The following CAV1 variants were observed in gnomAD, a reference collection of about 807,000 sequenced individuals.
The protein encoded by CAV1 is caveolin 1, also known as caveolin-1.
In CAV1, 10 loss-of-function variants were observed where a neutral mutation model predicts 16.5. The ratio of observed to expected loss-of-function variants is 0.61; its 90% CI spans 0.37 to 1.03. CAV1 has a LOEUF of 1.03. CAV1 is among the 50% of genes least tolerant of loss of function. The probability of loss-of-function intolerance (pLI) is 0.01; values close to 1 mark genes in which losing one functional copy is unlikely to be tolerated. For synonymous variants in CAV1, 76 were observed against 85.1 expected, an observed-to-expected ratio of 0.89 and a Z score of 0.59; for missense variants, 212 against 232.8, an observed-to-expected ratio of 0.91 and a Z score of 0.58.
At chr7:116,536,682 G>T (rs549078972) in intron 2 of CAV1, among the ~76,000 whole-genome samples, 1 of 152,150 alleles carries the variant, frequency 6.6e-6, no homozygotes, top group Non-Finnish European at 1.5e-5. Context: ...AGGCCACAGC[G>T]ACCCACAGAG....
At chr7:116,540,416 T>TC (rs1197317052) in intron 2 of CAV1, among the ~76,000 whole-genome samples, 1 of 152,138 alleles carries the variant, frequency 6.6e-6, no homozygotes, top group Non-Finnish European at 1.5e-5. Context: ...TCAATTTGAC[T>TC]CCAAATAGCT....
chr7:116,526,530 T>C lies in CAV1; in HGVS notation c.36T>C (p.His12=). The C allele has an allele frequency of 6.2e-7, 1 of 1,613,842 alleles. No individual in the cohort carries two copies. The highest frequency in any genetic ancestry group is 8.5e-7 in the Non-Finnish European group (1 of 1,179,968). Residue 12 remains histidine, a synonymous_variant, in exon 2 of 3, where the codon CAT becomes CAC. Coordinates refer to ENST00000341049, the MANE Select transcript of CAV1 (RefSeq NM_001753.5). ...CCGCCCTCCGCCCTCTGCAGGGACA[T>C]CTCTACACCGTTCCCATCCGGGAAC... The part of the protein sequence containing the change: ...SGGKYVDSEG[H]LYTVPIREQG...
intron 2 of CAV1, among the ~76,000 whole-genome samples, chr7:116,535,659 G>A (rs1294608260): frequency 6.6e-6 from 1 of 152,186 alleles, no homozygotes. Flanking sequence ...AAGGGAATTA[G>A]TTGGTAGAAC....
chr7:116,561,078 T>C lies in CAV1; in HGVS notation c.*1791T>C, dbSNP rs1794400823. ...GCAAATCAATTACTGGTCCAAAAGA[T>C]TGCTGAAATTTTATATGCTTACTGA... On this transcript the variant is annotated 3_prime_UTR_variant, in exon 3 of 3. Coordinates refer to ENST00000341049, the MANE Select transcript of CAV1 (RefSeq NM_001753.5). The C allele has an allele frequency of 6.6e-6, 1 of 152,660 alleles. No individual in the cohort carries two copies. Among genetic ancestry groups the C allele is most frequent in the Admixed American group, 6.5e-5 (1 of 15,280 alleles). 9.5% of individuals were successfully genotyped at this position (152,660 alleles called of 1,614,324 possible). A position where few individuals can be genotyped will look rare whatever the true frequency, so the allele number is the denominator to read the frequency against.
In CAV1 at chr7:116,559,945, C is replaced by A. The variant is rs979516188; in HGVS notation, c.*658C>A. The A allele has an allele frequency of 2.0e-5, 8 of 398,010 alleles. No individual in the cohort carries two copies. Among genetic ancestry groups the A allele is most frequent in the Admixed American group, 4.4e-5 (1 of 22,710 alleles). 24.7% of individuals were successfully genotyped at this position (398,010 alleles called of 1,614,324 possible). On this transcript the variant is annotated 3_prime_UTR_variant, in exon 3 of 3. Coordinates refer to ENST00000341049, the MANE Select transcript of CAV1 (RefSeq NM_001753.5). ...TTATGTAGATAACAAGACCTCAGTG[C>A]CTTCCTGTTTTTCACATTTTCCTTT...
chr7:116,534,376 TATA>T (rs1793752963), intron 2 of CAV1, among the ~76,000 whole-genome samples: 2 of 14,774 alleles, frequency 1.4e-4, no homozygotes, highest in Non-Finnish European at 3.1e-4. Flanking sequence ...TATATATATA[TATA>T]TATATATATA....
intron 2 of CAV1, among the ~76,000 whole-genome samples, chr7:116,558,003 G>A (rs1248728151): frequency 6.6e-6 from 1 of 152,110 alleles, no homozygotes; most frequent in Non-Finnish European, 1.5e-5. Flanking sequence ...ACCCTTGCTT[G>A]TTCCTGGGGC....
At chr7:116,557,475 T>A (rs1046667041) in intron 2 of CAV1, among the ~76,000 whole-genome samples, 7 of 152,210 alleles carry the variant, frequency 4.6e-5, no homozygotes, top group Non-Finnish European at 1.5e-5. Context: ...TGCCAAGCAG[T>A]TGCACTGGCT....
At position 116,558,980 on chromosome 7, in the gene CAV1, G is replaced by A. The variant is rs1470277580; in HGVS notation, c.230G>A (p.Gly77Glu). 2 of 1,613,746 alleles carry A rather than the reference G, an allele frequency of 1.2e-6. No homozygotes were observed. Among genetic ancestry groups the A allele is most frequent in the Non-Finnish European group, 1.7e-6 (2 of 1,179,818 alleles). ...DFEDVIAEPE[G>E]THSFDGIWKA... ...GAAGATGTGATTGCAGAACCAGAAG[G>A]GACACACAGTTTTGACGGCATTTGG... The change falls in exon 3 of 3, where the codon GGG (glycine) becomes GAG (glutamate). Residue 77 changes from glycine to glutamate, a missense_variant. By Grantham distance (98) the Gly-to-Glu change is moderately conservative. Coordinates refer to ENST00000341049, the MANE Select transcript of CAV1 (RefSeq NM_001753.5).
In CAV1 at chr7:116,555,564, GAA is replaced by G. The variant is rs1183622909; in HGVS notation, c.196-3380_196-3379del. On this transcript the variant is annotated intron_variant, in intron 2 of 2. Transcript: ENST00000341049. ...AGAGAGAAAGAAAGAAAGAAAGAAAGAAAGAAAGAAAGAAAGAAAGAAAGAAA... is the reference window on the plus strand; with the variant it reads ...AGAGAGAAAGAAAGAAAGAAAGAAAGAGAAAGAAAGAAAGAAAGAAAGAAA... Among the ~76,000 whole-genome samples, 84 of 51,388 alleles carry G rather than the reference GAA, an allele frequency of 1.6e-3. 3 individuals are homozygous for G. The highest frequency in any genetic ancestry group is 0.021 in the Middle Eastern group (2 of 96). The allele number at this position is 51,388 out of a possible 152,430, so 33.7% of individuals were successfully genotyped here.
intron 2 of CAV1, among the ~76,000 whole-genome samples, chr7:116,556,041 CTG>C (rs1427752303): frequency 3.3e-5 from 5 of 152,158 alleles, no homozygotes; most frequent in Non-Finnish European, 5.9e-5. Flanking sequence ...CCCTGGAGAC[CTG>C]CTCTAAATTC....
At chr7:116,530,965 A>G (rs1483958874) in intron 2 of CAV1, among the ~76,000 whole-genome samples, 1 of 152,224 alleles carries the variant, frequency 6.6e-6, no homozygotes, top group African/African-American at 2.4e-5. Context: ...ATGTAATTGC[A>G]TCATGGTCCA....
intron 2 of CAV1, among the ~76,000 whole-genome samples, chr7:116,554,112 A>T (rs1794217588): frequency 6.6e-6 from 1 of 152,194 alleles, no homozygotes; most frequent in Admixed American, 6.5e-5. Context: ...TTGCTTTAAG[A>T]ATCCCTTTAG....
At chr7:116,540,664 G>A in intron 2 of CAV1, among the ~76,000 whole-genome samples, 1 of 152,142 alleles carries the variant, frequency 6.6e-6, no homozygotes, top group Non-Finnish European at 1.5e-5. Flanking sequence ...CAATGATCTT[G>A]TTAACATTTG....
rs892705378 is a variant in CAV1 at position 116,561,075 on chromosome 7, A to G, written c.*1788A>G. On this transcript the variant is annotated 3_prime_UTR_variant, in exon 3 of 3. Transcript: ENST00000341049. ...CATGCAAATCAATTACTGGTCCAAAAGATTGCTGAAATTTTATATGCTTAC... is the reference window on the plus strand; with the variant it reads ...CATGCAAATCAATTACTGGTCCAAAGGATTGCTGAAATTTTATATGCTTAC... 6.6e-6 allele frequency: 1 copy of G among 152,634 alleles called. No individual in the cohort carries two copies. Among genetic ancestry groups the G allele is most frequent in the African/African-American group, 2.4e-5 (1 of 41,452 alleles). The allele number at this position is 152,634 out of a possible 1,614,324, so 9.5% of individuals were successfully genotyped here.
chr7:116,550,994 G>C (rs1382075382), intron 2 of CAV1, among the ~76,000 whole-genome samples: 1 of 152,154 alleles, frequency 6.6e-6, no homozygotes, highest in Non-Finnish European at 1.5e-5. Context: ...AAAGGAGCAG[G>C]GAACAAACTA....
chr7:116,526,413 T>C, intron 1 of CAV1, 112 bp from the exon 2 acceptor site: 3 of 1,567,140 alleles, frequency 1.9e-6, no homozygotes, highest in Non-Finnish European at 2.6e-6. Context: ...GAGCTCGAGG[T>C]TTCCCCCGCC....
rs200894208 is a variant in CAV1 at position 116,559,035 on chromosome 7, G to A, written c.285G>A (p.Thr95=). ...WKASFTTFTV[T]KYWFYRLLSA... ...CCAGCTTCACCACCTTCACTGTGAC[G>A]AAATACTGGTTTTACCGCTTGCTGT... is the stretch of plus-strand genomic sequence containing the variant. The change falls in exon 3 of 3, where the codon ACG becomes ACA. Residue 95 remains threonine, a synonymous_variant. Transcript: ENST00000341049. The A allele has an allele frequency of 2.1e-5, 34 of 1,613,862 alleles. No homozygotes were observed. The Admixed American group carries it at 3.0e-4, about 14-fold the overall frequency.
At chr7:116,537,926 G>C (rs1330608774) in intron 2 of CAV1, among the ~76,000 whole-genome samples, 1 of 152,210 alleles carries the variant, frequency 6.6e-6, no homozygotes, top group Non-Finnish European at 1.5e-5. Context: ...CCAGTGACTA[G>C]AAATAGAACC....
Sources: allele counts gnomAD v4.1 joint callset (sites outside exome capture counted in the v4.1 genomes callset), GRCh38; gene constraint gnomAD v4.1.1; transcripts MANE v1.5; gene names NCBI Gene and HGNC (gene_info 2026-07-23, HGNC 2026-07-21).